The following ASCC1 variants were observed in gnomAD, a reference collection of about 807,000 sequenced individuals.
The protein encoded by ASCC1 is ASC-1 complex subunit P50.
ASCC1 carries 35 observed loss-of-function variants against 46.6 expected under a neutral mutation model. The observed-to-expected ratio is 0.75, with a 90% CI of 0.57 to 0.99. The LOEUF is 0.99. Among genes scored for constraint, ASCC1 ranks in the 50% least tolerant of loss-of-function variants. ASCC1 has a pLI of 0.00. For synonymous variants in ASCC1, 143 were observed against 146.6 expected (o/e 0.98, Z 0.18); for missense variants, 376 against 428.7 (o/e 0.88, Z 1.09).
At chr10:72,132,565 C>T (rs1845734549) in intron 8 of ASCC1, among the ~76,000 whole-genome samples, 1 of 152,114 alleles carries the variant, frequency 6.6e-6, no homozygotes, top group Non-Finnish European at 1.5e-5. Flanking sequence ...TGTTAGACAG[C>T]ACCCACTAGG....
Position 72,096,225 on chromosome 10 carries a change from G to C in ASCC1, c.*1109C>G, listed in dbSNP as rs1841078778. ...GGACATGGAGGGAGGAAGAATGTGAGGAGGCAGGGGTGGGAGGCTGGGGCT... is the reference window on the plus strand; with the variant it reads ...GGACATGGAGGGAGGAAGAATGTGACGAGGCAGGGGTGGGAGGCTGGGGCT... On this transcript the variant is annotated 3_prime_UTR_variant, in exon 10 of 10. Transcript: ENST00000672957. 1 of 454,066 alleles carries C rather than the reference G, an allele frequency of 2.2e-6. No individual in the cohort carries two copies. The highest frequency in any genetic ancestry group is 6.9e-5 in the East Asian group (1 of 14,410). The allele number at this position is 454,066 out of a possible 1,614,324, so 28.1% of individuals were successfully genotyped here.
intron 9 of ASCC1, chr10:72,102,984 CA>C (rs764473097): frequency 7.3e-5 from 32 of 439,586 alleles, no homozygotes; most frequent in East Asian, 1.5e-4. Flanking sequence ...CAAAACAAAA[CA>C]AAAAAAAGAT....
chr10:72,113,819 G>A (rs1364086492), intron 9 of ASCC1, among the ~76,000 whole-genome samples: 3 of 152,084 alleles, frequency 2.0e-5, no homozygotes, highest in Non-Finnish European at 4.4e-5. Flanking sequence ...ATAATCTTCT[G>A]CAATCTCCTA....
At chr10:72,132,260 C>A (rs1262187529) in intron 8 of ASCC1, among the ~76,000 whole-genome samples, 3 of 152,076 alleles carry the variant, frequency 2.0e-5, no homozygotes, top group Non-Finnish European at 4.4e-5. Flanking sequence ...TATTTTGAAC[C>A]ACGAGTCTTG....
At chr10:72,190,468 A>C in intron 5 of ASCC1, 2 of 1,598,858 alleles carry the variant, frequency 1.3e-6, no homozygotes, top group Non-Finnish European at 1.7e-6. Context: ...CTGCAGGCCG[A>C]AAGAGCCGTG....
At chr10:72,156,354 C>A (rs1036075257) in intron 6 of ASCC1, among the ~76,000 whole-genome samples, 4 of 152,196 alleles carry the variant, frequency 2.6e-5, no homozygotes, top group Non-Finnish European at 4.4e-5. Flanking sequence ...GCCGATTAAA[C>A]CTCTTTTCTT....
intron 9 of ASCC1, among the ~76,000 whole-genome samples, chr10:72,118,488 T>C (rs1843759965): frequency 6.7e-6 from 1 of 150,014 alleles, no homozygotes; most frequent in African/African-American, 2.5e-5. Context: ...AATGAAATAA[T>C]ACACTTTCTG....
rs186896849 is a variant in ASCC1, at chr10:72,124,517, T to C, written c.957+3565A>G. On this transcript the variant is annotated intron_variant, in intron 9 of 9. Transcript: ENST00000672957. Reference sequence around the variant, plus strand: ...TTAACATTGTACCCCTGGTTCAATCTGCTGAGAGCACAATCTTGGAATACT... The same window carrying C: ...TTAACATTGTACCCCTGGTTCAATCCGCTGAGAGCACAATCTTGGAATACT... Among the ~76,000 whole-genome samples the C allele has an allele frequency of 2.9e-3, 449 of 152,318 alleles. 2 individuals carry two copies. The highest frequency in any genetic ancestry group is 7.5e-3 in the South Asian group (36 of 4,828).
At chr10:72,213,634 G>A (rs948832845) in intron 1 of ASCC1, among the ~76,000 whole-genome samples, 1 of 151,260 alleles carries the variant, frequency 6.6e-6, no homozygotes, top group Admixed American at 6.6e-5. Context: ...AGGGAGGGGA[G>A]CAGTGGTTCA....
rs111540673 is a variant in ASCC1, at chr10:72,190,957, T to C, written c.489+5854A>G. 3.0e-3 allele frequency among the ~76,000 whole-genome samples: 426 copies of C among 141,796 alleles called. 2 individuals carry two copies. The highest frequency in any genetic ancestry group is 7.3e-3 in the African/African-American group (271 of 37,194). The allele number at this position is 141,796 out of a possible 152,430, so 93.0% of individuals were successfully genotyped here. On this transcript the variant is annotated intron_variant, in intron 5 of 9. Coordinates refer to ENST00000672957, the MANE Select transcript of ASCC1 (RefSeq NM_001198800.3). ...GTTGCCGTGAGCCAAGATCGCGCCATTGCACTCCAGCCTTGGCGACAGAGC... is the reference window on the plus strand; with the variant it reads ...GTTGCCGTGAGCCAAGATCGCGCCACTGCACTCCAGCCTTGGCGACAGAGC...
At chr10:72,125,797 A>G (rs1564612792) in intron 9 of ASCC1, among the ~76,000 whole-genome samples, 1 of 152,228 alleles carries the variant, frequency 6.6e-6, no homozygotes, top group Non-Finnish European at 1.5e-5. Flanking sequence ...GCACTTGTCC[A>G]TAACTCACCC....
At chr10:72,144,123 C>T (rs542745924) in intron 7 of ASCC1, among the ~76,000 whole-genome samples, 1 of 151,996 alleles carries the variant, frequency 6.6e-6, no homozygotes, top group East Asian at 1.9e-4. Context: ...ATTACAGGGA[C>T]CTGCCACCAC....
At chr10:72,178,236 C>T (rs1170320280) in intron 5 of ASCC1, among the ~76,000 whole-genome samples, 1 of 152,160 alleles carries the variant, frequency 6.6e-6, no homozygotes. Flanking sequence ...AAATTAATAG[C>T]TGTGATAGAA....
chr10:72,178,962 T>TAAGTC (rs956281605), intron 5 of ASCC1, among the ~76,000 whole-genome samples: 1 of 152,228 alleles, frequency 6.6e-6, no homozygotes, highest in Non-Finnish European at 1.5e-5. Flanking sequence ...CTCACCTTCT[T>TAAGTC]AAGTCCTGAA....
chr10:72,106,799 G>A (rs552837630), intron 9 of ASCC1, among the ~76,000 whole-genome samples: 1 of 152,270 alleles, frequency 6.6e-6, no homozygotes, highest in African/African-American at 2.4e-5. Flanking sequence ...ATAAGAAACA[G>A]GGACAAGCTA....
intron 5 of ASCC1, among the ~76,000 whole-genome samples, chr10:72,163,273 T>C (rs1349152816): frequency 6.6e-6 from 1 of 152,132 alleles, no homozygotes; most frequent in African/African-American, 2.4e-5. Context: ...CCTAGGTATA[T>C]GCCCAAGAGA....
At chr10:72,139,384 G>A (rs1374804138) in intron 7 of ASCC1, among the ~76,000 whole-genome samples, 1 of 151,970 alleles carries the variant, frequency 6.6e-6, no homozygotes, top group East Asian at 1.9e-4. Context: ...CAAAGTGCTG[G>A]GATTACAGGT....
intron 7 of ASCC1, among the ~76,000 whole-genome samples, chr10:72,152,632 A>T (rs190772565): frequency 6.6e-6 from 1 of 152,294 alleles, no homozygotes; most frequent in Admixed American, 6.5e-5. Flanking sequence ...GGACGCTGAG[A>T]TCAGCCTGGG....
At chr10:72,208,313 C>T (rs2133449727) in intron 3 of ASCC1, among the ~76,000 whole-genome samples, 1 of 143,364 alleles carries the variant, frequency 7.0e-6, no homozygotes, top group Middle Eastern at 3.4e-3. Context: ...ACCTGTTACA[C>T]TGATTTTTTT....
Sources: allele counts gnomAD v4.1 joint callset (sites outside exome capture counted in the v4.1 genomes callset), GRCh38; gene constraint gnomAD v4.1.1; transcripts MANE v1.5; gene names NCBI Gene and HGNC (gene_info 2026-07-23, HGNC 2026-07-21).